The following IQCM variants were observed in gnomAD, a reference collection of about 807,000 sequenced individuals.
IQCM encodes the protein IQ motif containing M.
Under a neutral mutation model 57.6 loss-of-function variants are expected in IQCM, and 45 were observed. The ratio of observed to expected loss-of-function variants is 0.78; its 90% CI spans 0.62 to 1.00. IQCM has a LOEUF of 1.00. IQCM is among the 50% of genes least tolerant of loss of function. IQCM has a pLI of 0.00. For synonymous variants in IQCM, 148 were observed against 158.9 expected (o/e 0.93, Z 0.51); for missense variants, 468 against 511.6 (o/e 0.91, Z 0.82).
intron 13 of IQCM, among the ~76,000 whole-genome samples, chr4:149,358,844 C>CATTATATCATGATATACTCTCATG (rs1553954376): frequency 9.3e-6 from 1 of 108,028 alleles, no homozygotes; most frequent in Non-Finnish European, 2.0e-5. Flanking sequence ...GCACAGTGGA[C>CATTATATCATGATATACTCTCATG]AGTATATCAT....
At chr4:149,814,734 T>G (rs1409421788) in intron 2 of IQCM, among the ~76,000 whole-genome samples, 1 of 151,974 alleles carries the variant, frequency 6.6e-6, no homozygotes. Flanking sequence ...TTGACCTATC[T>G]CTTGGATCTA....
intron 13 of IQCM, among the ~76,000 whole-genome samples, chr4:149,423,891 T>A (rs1734290008): frequency 6.6e-6 from 1 of 151,886 alleles, no homozygotes; most frequent in Non-Finnish European, 1.5e-5. Flanking sequence ...AAATAAAAAA[T>A]TTAAATGTTA....
chr4:149,618,172 G>A (rs1755966341), intron 8 of IQCM, among the ~76,000 whole-genome samples: 1 of 152,056 alleles, frequency 6.6e-6, no homozygotes, highest in African/African-American at 2.4e-5. Flanking sequence ...ATCAATGGAA[G>A]AATAAATAAC....
chr4:149,650,379 C>T (rs1034332291), intron 7 of IQCM, among the ~76,000 whole-genome samples: 25 of 150,818 alleles, frequency 1.7e-4, no homozygotes, highest in African/African-American at 5.8e-4. Flanking sequence ...GCCCTTCCAA[C>T]ACCTTTGTTT....
At chr4:149,426,136 T>C (rs1481231924) in intron 13 of IQCM, among the ~76,000 whole-genome samples, 1 of 152,000 alleles carries the variant, frequency 6.6e-6, no homozygotes, top group African/African-American at 2.4e-5. Flanking sequence ...CCTATTTAAT[T>C]AGTCCATTAT....
chr4:149,711,020 G>A (rs1451030907), intron 5 of IQCM: 1 of 152,154 alleles, frequency 6.6e-6, no homozygotes, highest in African/African-American at 2.4e-5. Context: ...AAGCAGGAAA[G>A]TACTCAATTG....
chr4:149,758,191 G>T (rs1769168765), intron 2 of IQCM, among the ~76,000 whole-genome samples: 1 of 152,098 alleles, frequency 6.6e-6, no homozygotes, highest in African/African-American at 2.4e-5. Context: ...GACATTAGAT[G>T]AAAAATTATT....
chr4:149,388,622 T>C (rs987052966), intron 13 of IQCM, among the ~76,000 whole-genome samples: 2 of 142,366 alleles, frequency 1.4e-5, no homozygotes, highest in Non-Finnish European at 3.1e-5. Flanking sequence ...AAAGAATATA[T>C]ATATACACAT....
intron 3 of IQCM, among the ~76,000 whole-genome samples, chr4:149,736,854 T>G (rs946695917): frequency 2.0e-5 from 3 of 152,180 alleles, no homozygotes; most frequent in Non-Finnish European, 4.4e-5. Context: ...CCAGAGAGAA[T>G]GAAAATGTAT....
intron 8 of IQCM, among the ~76,000 whole-genome samples, chr4:149,608,195 C>T (rs1259577427): frequency 1.3e-5 from 2 of 151,816 alleles, no homozygotes; most frequent in Non-Finnish European, 1.5e-5. Flanking sequence ...GTAGAGGAGA[C>T]AATACAGCAA....
chr4:149,590,450 ACTT>A (rs1753046646), intron 8 of IQCM, among the ~76,000 whole-genome samples: 1 of 149,942 alleles, frequency 6.7e-6, no homozygotes, highest in Non-Finnish European at 1.5e-5. Flanking sequence ...GCTTCTTTCA[ACTT>A]CTTTTTTTAT....
intron 12 of IQCM, among the ~76,000 whole-genome samples, chr4:149,500,550 C>T (rs992153147): frequency 6.6e-6 from 1 of 152,210 alleles, no homozygotes. Context: ...AAAAGCCATA[C>T]AAACTTGAAA....
rs116142447 is a variant in IQCM, at chr4:149,785,280, G to A, written c.-49+30031C>T. Among the ~76,000 whole-genome samples, 645 of 152,250 alleles carry A rather than the reference G, an allele frequency of 4.2e-3. 7 individuals carry two copies. Among genetic ancestry groups the A allele is most frequent in the African/African-American group, 0.014 (570 of 41,532 alleles). On this transcript the variant is annotated intron_variant, in intron 2 of 13. Coordinates refer to ENST00000636793, the MANE Select transcript of IQCM (RefSeq NM_001363507.2). ...TATACTCATCAAACTTTTCCTTTGA[G>A]ACTGAGGCAGCTGACTTTATTAGGC...
intron 5 of IQCM, among the ~76,000 whole-genome samples, chr4:149,725,984 C>T (rs967784528): frequency 6.6e-6 from 1 of 151,798 alleles, no homozygotes; most frequent in Non-Finnish European, 1.5e-5. Context: ...TTCCTTTATT[C>T]TACCCTTCAC....
At chr4:149,665,409 C>T (rs145813594) in intron 7 of IQCM, among the ~76,000 whole-genome samples, 133 of 152,234 alleles carry the variant, frequency 8.7e-4, no homozygotes, top group African/African-American at 3.1e-3. Flanking sequence ...GACTCTGAGC[C>T]TGTCCTAGCA....
At chr4:149,666,497 C>T (rs75142480) in intron 7 of IQCM, among the ~76,000 whole-genome samples, 14 of 152,080 alleles carry the variant, frequency 9.2e-5, no homozygotes, top group Admixed American at 3.3e-4. Flanking sequence ...CAAAACTGGG[C>T]GGCCATTTGG....
chr4:149,518,592 A>C (rs977733513), intron 12 of IQCM, among the ~76,000 whole-genome samples: 16 of 152,178 alleles, frequency 1.1e-4, no homozygotes, highest in Non-Finnish European at 2.4e-4. Flanking sequence ...ACTAGCCAGG[A>C]AAATAGGAAG....
intron 5 of IQCM, among the ~76,000 whole-genome samples, chr4:149,713,221 A>G (rs2149836119): frequency 6.6e-6 from 1 of 152,148 alleles, no homozygotes; most frequent in South Asian, 2.1e-4. Flanking sequence ...ACCCCCTACC[A>G]GGCCCTGTGA....
chr4:149,716,518 A>C (rs1254094982), intron 5 of IQCM, among the ~76,000 whole-genome samples: 1 of 152,156 alleles, frequency 6.6e-6, no homozygotes, highest in Non-Finnish European at 1.5e-5. Flanking sequence ...GCGCCAAAGA[A>C]GGCAAGATCC....
Sources: allele counts gnomAD v4.1 joint callset (sites outside exome capture counted in the v4.1 genomes callset), GRCh38; gene constraint gnomAD v4.1.1; transcripts MANE v1.5; gene names NCBI Gene and HGNC (gene_info 2026-07-23, HGNC 2026-07-21).